TRPC6: variants seen among roughly 807,000 people sequenced by gnomAD.
TRPC6 encodes short transient receptor potential channel 6.
TRPC6 carries 55 observed loss-of-function variants against 90.7 expected under a neutral mutation model. That is an observed-to-expected ratio of 0.61 (90% CI 0.49 to 0.76). The LOEUF is 0.76. Among genes scored for constraint, TRPC6 ranks in the 30% least tolerant of loss-of-function variants. The probability of loss-of-function intolerance (pLI) is 0.00; values close to 1 mark genes in which losing one functional copy is unlikely to be tolerated. For synonymous variants in TRPC6, 393 were observed against 393.0 expected, an observed-to-expected ratio of 1.00 and a Z score of 0.00; for missense variants, 989 against 1,122.7, an observed-to-expected ratio of 0.88 and a Z score of 1.70.
At chr11:101,548,700 G>T (rs1193570717) in intron 1 of TRPC6, among the ~76,000 whole-genome samples, 1 of 151,388 alleles carries the variant, frequency 6.6e-6, no homozygotes, top group Non-Finnish European at 1.5e-5. Flanking sequence ...AAACTGAGAT[G>T]AAATGATTAT....
intron 2 of TRPC6, among the ~76,000 whole-genome samples, chr11:101,492,489 A>G (rs529136496): frequency 2.3e-4 from 35 of 152,212 alleles, no homozygotes; most frequent in African/African-American, 7.2e-4. Flanking sequence ...CAGGAGGCTG[A>G]GATGGGAGGA....
chr11:101,576,684 G>T (rs1025368706), intron 1 of TRPC6, among the ~76,000 whole-genome samples: 1 of 152,114 alleles, frequency 6.6e-6, no homozygotes, highest in African/African-American at 2.4e-5. Flanking sequence ...TTATGAAAGA[G>T]GGAGAAAAAT....
intron 1 of TRPC6, among the ~76,000 whole-genome samples, chr11:101,573,804 T>C (rs1395012735): frequency 6.6e-6 from 1 of 152,086 alleles, no homozygotes; most frequent in Non-Finnish European, 1.5e-5. Flanking sequence ...GTTTTCATCA[T>C]CAGTGCATGT....
intron 1 of TRPC6, among the ~76,000 whole-genome samples, chr11:101,541,465 G>A (rs374118367): frequency 3.0e-4 from 45 of 152,260 alleles, no homozygotes; most frequent in East Asian, 1.2e-3. Context: ...GGTTTCAAGC[G>A]ATTCTCCTGC....
chr11:101,512,610 G>C (rs1860419284), intron 1 of TRPC6, among the ~76,000 whole-genome samples: 1 of 152,130 alleles, frequency 6.6e-6, no homozygotes, highest in Non-Finnish European at 1.5e-5. Context: ...TCTGGGGCCA[G>C]ACATTTATGG....
chr11:101,479,866 A>G (rs796909261), intron 5 of TRPC6, among the ~76,000 whole-genome samples: 1 of 152,278 alleles, frequency 6.6e-6, no homozygotes, highest in African/African-American at 2.4e-5. Context: ...AAAGGAAAAA[A>G]TATATATAAA....
intron 1 of TRPC6, 185 bp downstream of exon 1, chr11:101,583,149 C>A: frequency 1.0e-6 from 1 of 984,682 alleles, no homozygotes; most frequent in South Asian, 4.7e-5. Context: ...CCGCCTCCCC[C>A]ACTCCCCGCG....
At chr11:101,484,509 C>A (rs1215415763) in intron 4 of TRPC6, among the ~76,000 whole-genome samples, 1 of 151,632 alleles carries the variant, frequency 6.6e-6, no homozygotes, top group East Asian at 1.9e-4. Flanking sequence ...GAGCTGGAAC[C>A]AATTAACTTA....
intron 1 of TRPC6, among the ~76,000 whole-genome samples, chr11:101,561,610 T>C (rs1269419319): frequency 1.3e-5 from 2 of 152,100 alleles, no homozygotes; most frequent in Non-Finnish European, 2.9e-5. Flanking sequence ...ATAGAGGCAC[T>C]GACAGTGTAG....
chr11:101,565,689 G>A (rs1299203416), intron 1 of TRPC6, among the ~76,000 whole-genome samples: 1 of 151,952 alleles, frequency 6.6e-6, no homozygotes, highest in African/African-American at 2.4e-5. Context: ...ATAGCACCTT[G>A]TATATAATAG....
At chr11:101,476,713 A>C (rs1307589980) in intron 5 of TRPC6, among the ~76,000 whole-genome samples, 179 bp from the exon 6 acceptor site, 1 of 152,228 alleles carries the variant, frequency 6.6e-6, no homozygotes. Flanking sequence ...CAGAAATATC[A>C]GTGCATACCT....
chr11:101,561,882 G>A (rs1591139236), intron 1 of TRPC6, among the ~76,000 whole-genome samples: 1 of 150,728 alleles, frequency 6.6e-6, no homozygotes, highest in Non-Finnish European at 1.5e-5. Context: ...TAGTTTATAT[G>A]TATTTATAAA....
In TRPC6 at chr11:101,583,605, G is replaced by C; in HGVS notation, c.-102C>G. The C allele has an allele frequency of 5.5e-6, 7 of 1,275,884 alleles. No homozygotes were observed. Among genetic ancestry groups the C allele is most frequent in the Non-Finnish European group, 6.1e-6 (6 of 978,330 alleles). 79.0% of individuals were successfully genotyped at this position (1,275,884 alleles called of 1,614,324 possible). On this transcript the variant is annotated 5_prime_UTR_variant, in exon 1 of 13. Coordinates refer to ENST00000344327, the MANE Select transcript of TRPC6 (RefSeq NM_004621.6). The stretch of plus-strand genomic sequence containing the variant: ...AGGGTTCGCGTCAGCGGCCGAACTG[G>C]ACCTGGGCAGACCGGTGCCCAGGGG...
chr11:101,505,993 T>C (rs564493314), intron 1 of TRPC6, among the ~76,000 whole-genome samples: 22 of 135,082 alleles, frequency 1.6e-4, no homozygotes, highest in Non-Finnish European at 2.3e-4. Flanking sequence ...GCCTGGGTGA[T>C]AGAACAAGAT....
intron 1 of TRPC6, among the ~76,000 whole-genome samples, chr11:101,530,898 T>C (rs985923774): frequency 6.6e-6 from 1 of 152,132 alleles, no homozygotes; most frequent in Non-Finnish European, 1.5e-5. Flanking sequence ...TCACTTATAA[T>C]GTAGAATCTT....
intron 10 of TRPC6, 121 bp downstream of exon 10, chr11:101,469,306 G>T (rs931809474): frequency 1.7e-5 from 11 of 650,946 alleles, no homozygotes; most frequent in Non-Finnish European, 3.1e-5. Flanking sequence ...TGTTAAAATA[G>T]TTGAATTATT....
At chr11:101,471,942 C>T (rs972229103) in intron 8 of TRPC6, among the ~76,000 whole-genome samples, 195 bp downstream of exon 8, 4 of 151,994 alleles carry the variant, frequency 2.6e-5, no homozygotes, top group South Asian at 4.1e-4. Context: ...ACGTCTCTGC[C>T]CCATGACACC....
chr11:101,480,642 T>C (rs1284606899), intron 5 of TRPC6, among the ~76,000 whole-genome samples: 1 of 146,906 alleles, frequency 6.8e-6, no homozygotes, highest in Non-Finnish European at 1.5e-5. Context: ...TTTTGCCTAA[T>C]AGGAAAATAG....
At chr11:101,566,633 C>G (rs7932338) in intron 1 of TRPC6, among the ~76,000 whole-genome samples, 4 of 151,918 alleles carry the variant, frequency 2.6e-5, no homozygotes, top group African/African-American at 9.7e-5. Flanking sequence ...CAGCTCCCAG[C>G]GAGATAGACG....
Sources: gnomAD v4.1 joint callset for allele counts (sites outside exome capture counted in the v4.1 genomes callset) on GRCh38, gnomAD v4.1.1 for gene constraint, MANE v1.5 for transcripts, NCBI Gene and HGNC (gene_info 2026-07-23, HGNC 2026-07-21) for gene names.